KCNH8: variants seen among roughly 807,000 people sequenced by gnomAD.
KCNH8 encodes voltage-gated delayed rectifier potassium channel KCNH8.
KCNH8 carries 70 observed loss-of-function variants against 103.6 expected under a neutral mutation model. The ratio of observed to expected loss-of-function variants is 0.68; its 90% CI spans 0.56 to 0.82. The LOEUF (loss-of-function observed/expected upper bound fraction) is 0.82, where lower values mean the gene tolerates loss of function less well. KCNH8 is among the 40% of genes least tolerant of loss of function. The pLI is 0.00. For synonymous variants in KCNH8, 498 were observed against 489.4 expected (o/e 1.02, Z -0.23); for missense variants, 1,217 against 1,329.9 (o/e 0.92, Z 1.32).
At chr3:19,293,330 T>A (rs555464377) in intron 3 of KCNH8, among the ~76,000 whole-genome samples, 15 of 152,336 alleles carry the variant, frequency 9.8e-5, no homozygotes, top group Admixed American at 5.9e-4. Flanking sequence ...TTATCTCCGT[T>A]TCTTCCCCAA....
chr3:19,481,743 G>T (rs948154685), intron 11 of KCNH8, among the ~76,000 whole-genome samples: 11 of 152,190 alleles, frequency 7.2e-5, no homozygotes, highest in African/African-American at 1.7e-4. Flanking sequence ...AAAACCCTGT[G>T]CTGGATTAAA....
intron 3 of KCNH8, among the ~76,000 whole-genome samples, chr3:19,328,088 T>C (rs1376234353): frequency 1.3e-5 from 2 of 152,162 alleles, no homozygotes; most frequent in African/African-American, 4.8e-5. Flanking sequence ...TGAAAATTTC[T>C]AACCACTGTT....
chr3:19,413,995 T>A (rs188544718), intron 7 of KCNH8, among the ~76,000 whole-genome samples: 198 of 152,192 alleles, frequency 1.3e-3, no homozygotes, highest in Admixed American at 0.012. Context: ...GATTGGATTT[T>A]AAAAATATAA....
chr3:19,214,338 C>A (rs977526815), intron 1 of KCNH8, among the ~76,000 whole-genome samples: 1 of 152,180 alleles, frequency 6.6e-6, no homozygotes, highest in Non-Finnish European at 1.5e-5. Context: ...TGCTATAGGA[C>A]CATCCCATAG....
chr3:19,362,452 A>C (rs1048434143), intron 5 of KCNH8, among the ~76,000 whole-genome samples: 4 of 152,074 alleles, frequency 2.6e-5, no homozygotes, highest in Admixed American at 1.3e-4. Flanking sequence ...CAGTGATAAG[A>C]ATGTTCTTTT....
Position 19,403,881 on chromosome 3 carries a change from G to A in KCNH8, c.1177+8570G>A, listed in dbSNP as rs546670315. 9.9e-5 allele frequency among the ~76,000 whole-genome samples: 15 copies of A among 151,790 alleles called. No homozygotes were observed. In the East Asian group the frequency reaches 2.7e-3, roughly 27 times the overall value. ...TATCTGGACTTTGTTAAAGCACCTA[G>A]TATATATTTTATTGAAACCTGTGTA... On this transcript the variant is annotated intron_variant, in intron 7 of 15. Transcript: ENST00000328405.
At chr3:19,239,304 A>T (rs1270752888) in intron 1 of KCNH8, among the ~76,000 whole-genome samples, 1 of 152,178 alleles carries the variant, frequency 6.6e-6, no homozygotes, top group Non-Finnish European at 1.5e-5. Flanking sequence ...GATAACTAGT[A>T]CAGTCCTGGA....
Position 19,342,706 on chromosome 3 carries a change from A to C in KCNH8, c.562A>C (p.Ile188Leu). The change falls in exon 4 of 16, where the codon ATA becomes CTA. Residue 188 changes from isoleucine to leucine, a missense_variant. This residue lies in a region of KCNH8 where 244 missense variants were observed against 256.8 expected (regional missense o/e 0.95). Transcript: ENST00000328405. The part of the protein sequence containing the change: ...LQRREKNKLK[I>L]NNNVFVDKPA... Reference sequence around the variant, plus strand: ...AAGAAGAGAAAAGAACAAATTGAAAATAAATAACGTAGGTGGTATGTGTGT... The same window carrying C: ...AAGAAGAGAAAAGAACAAATTGAAACTAAATAACGTAGGTGGTATGTGTGT... 6.2e-7 allele frequency: 1 copy of C among 1,606,452 alleles called. No individual in the cohort carries two copies. The highest frequency in any genetic ancestry group is 1.1e-5 in the South Asian group (1 of 90,860).
intron 3 of KCNH8, among the ~76,000 whole-genome samples, chr3:19,318,667 A>AGTG (rs1559474393): frequency 1.8e-5 from 1 of 54,826 alleles, no homozygotes; most frequent in African/African-American, 1.2e-4. Context: ...GTGTGTACAC[A>AGTG]CACACACACA....
intron 1 of KCNH8, among the ~76,000 whole-genome samples, chr3:19,179,135 A>G (rs2063427812): frequency 6.6e-6 from 1 of 151,956 alleles, no homozygotes; most frequent in Admixed American, 6.6e-5. Context: ...TTTTGTAGAG[A>G]ATTTACTCCT....
intron 6 of KCNH8, among the ~76,000 whole-genome samples, chr3:19,392,724 G>A (rs1302992706): frequency 3.3e-5 from 5 of 151,786 alleles, no homozygotes; most frequent in South Asian, 2.1e-4. Context: ...TTTTAAGTAC[G>A]GATCACATGC....
At chr3:19,393,773 C>G (rs2066473114) in intron 6 of KCNH8, among the ~76,000 whole-genome samples, 1 of 151,994 alleles carries the variant, frequency 6.6e-6, no homozygotes, top group South Asian at 2.1e-4. Context: ...AAGAGCACAG[C>G]TAGCTGTCAA....
chr3:19,256,426 A>G (rs964958265), intron 2 of KCNH8, among the ~76,000 whole-genome samples: 4 of 152,112 alleles, frequency 2.6e-5, no homozygotes, highest in African/African-American at 9.7e-5. Context: ...TTATACCATA[A>G]TCATTGAAAG....
chr3:19,522,009 C>A (rs910886585), intron 15 of KCNH8, among the ~76,000 whole-genome samples: 6 of 151,850 alleles, frequency 4.0e-5, no homozygotes, highest in Non-Finnish European at 8.8e-5. Flanking sequence ...GTTATTTCAT[C>A]CTTACTCACC....
intron 3 of KCNH8, among the ~76,000 whole-genome samples, chr3:19,284,507 TG>T (rs34034385): frequency 2.0e-4 from 17 of 85,482 alleles, no homozygotes; most frequent in East Asian, 1.7e-3. Flanking sequence ...GTGGATCTGC[TG>T]GTGTGTGTGT....
At chr3:19,188,990 T>G (rs185596585) in intron 1 of KCNH8, among the ~76,000 whole-genome samples, 144 of 152,188 alleles carry the variant, frequency 9.5e-4, no homozygotes, top group African/African-American at 3.3e-3. Flanking sequence ...GTAGTTTTTC[T>G]TTTTGACTTA....
At chr3:19,428,051 C>A (rs939064761) in intron 7 of KCNH8, among the ~76,000 whole-genome samples, 2 of 152,186 alleles carry the variant, frequency 1.3e-5, no homozygotes, top group Non-Finnish European at 2.9e-5. Context: ...TTCAGACAAA[C>A]CCAGATTCAA....
chr3:19,500,800 T>C (rs1428946421), intron 11 of KCNH8, among the ~76,000 whole-genome samples: 1 of 152,252 alleles, frequency 6.6e-6, no homozygotes, highest in Non-Finnish European at 1.5e-5. Context: ...GGGAAATTTA[T>C]AGCACTAAAT....
At chr3:19,399,116 A>G (rs2066569912) in intron 7 of KCNH8, among the ~76,000 whole-genome samples, 1 of 152,006 alleles carries the variant, frequency 6.6e-6, no homozygotes, top group Non-Finnish European at 1.5e-5. Flanking sequence ...GTTAGGATAT[A>G]TCAAATTTTT....
Sources: allele counts gnomAD v4.1 joint callset (sites outside exome capture counted in the v4.1 genomes callset), GRCh38; gene constraint gnomAD v4.1.1; regional missense constraint gnomAD v4.1.1; transcripts MANE v1.5; gene names NCBI Gene and HGNC (gene_info 2026-07-23, HGNC 2026-07-21).